Variants in FYN observed in about 807,000 individuals in gnomAD.
FYN encodes the protein FYN proto-oncogene, Src family tyrosine kinase.
A neutral mutation model predicts 70.2 loss-of-function variants in FYN; 10 were observed. That is an observed-to-expected ratio of 0.14 (90% CI 0.09 to 0.24). The LOEUF (loss-of-function observed/expected upper bound fraction) is 0.24. Ranked by LOEUF, FYN falls within the 10% of genes least tolerant of loss-of-function variation. The pLI, the probability that FYN is intolerant of heterozygous loss-of-function variation, is 1.00. For missense variants in FYN, 319 were observed against 673.1 expected (o/e 0.47, Z 5.82); for synonymous variants, 236 against 248.6 (o/e 0.95, Z 0.48).
intron 5 of FYN, among the ~76,000 whole-genome samples, chr6:111,709,895 C>T (rs67515145): frequency 0.13 from 20,060 of 152,158 alleles, 1,472 homozygotes; most frequent in South Asian, 0.33. Flanking sequence ...GTACTGGTCT[C>T]ATTTCTATGC....
At chr6:111,759,935 C>T (rs1802928609) in intron 3 of FYN, 1 of 151,206 alleles carries the variant, frequency 6.6e-6, no homozygotes, top group South Asian at 2.1e-4. Flanking sequence ...CTAGAGATGG[C>T]GTAAAAAGAT....
At chr6:111,755,942 T>A (rs1332115748) in intron 3 of FYN, among the ~76,000 whole-genome samples, 1 of 152,046 alleles carries the variant, frequency 6.6e-6, no homozygotes, top group Non-Finnish European at 1.5e-5. Context: ...AATGAACAAG[T>A]ATCCAACTCA....
chr6:111,782,288 C>T (rs1771204318), intron 2 of FYN, among the ~76,000 whole-genome samples: 1 of 152,180 alleles, frequency 6.6e-6, no homozygotes, highest in East Asian at 1.9e-4. Context: ...AAAACTCCTT[C>T]CACAGTTAAT....
intron 2 of FYN, among the ~76,000 whole-genome samples, chr6:111,840,624 T>C (rs957040588): frequency 2.0e-5 from 3 of 152,214 alleles, no homozygotes; most frequent in Non-Finnish European, 4.4e-5. Context: ...TCTGCTCAAA[T>C]AAAATTTTGT....
chr6:111,848,763 C>G (rs181045454), intron 1 of FYN, among the ~76,000 whole-genome samples: 312 of 152,276 alleles, frequency 2.0e-3, no homozygotes, highest in Non-Finnish European at 3.3e-3. Context: ...CCACGTATAT[C>G]TTTCTTAAGG....
At chr6:111,716,112 G>C (rs1800631386) in intron 4 of FYN, among the ~76,000 whole-genome samples, 1 of 152,234 alleles carries the variant, frequency 6.6e-6, no homozygotes, top group Non-Finnish European at 1.5e-5. Flanking sequence ...CTGTGTACTT[G>C]TCTGGTCAGC....
chr6:111,665,995 CTTTTTTTTT>C (rs991104460), intron 13 of FYN, among the ~76,000 whole-genome samples: 1 of 89,078 alleles, frequency 1.1e-5, no homozygotes, highest in Non-Finnish European at 2.1e-5. Flanking sequence ...CCTTTTTCTC[CTTTTTTTTT>C]TTTTTTTTTT....
rs547206415 is a variant in FYN, at chr6:111,669,349, C to T, written c.1405+5150G>A. On this transcript the variant is annotated intron_variant, in intron 13 of 13. Transcript: ENST00000354650. Reference sequence around the variant, plus strand: ...TCTTGGGAGGCTGAGGCAGGAGAATCGCTTGAACCCAGGAGGCAGAGGTTG... The same window carrying T: ...TCTTGGGAGGCTGAGGCAGGAGAATTGCTTGAACCCAGGAGGCAGAGGTTG... Among the ~76,000 whole-genome samples, 14 of 145,008 alleles carry T rather than the reference C, an allele frequency of 9.7e-5. No individual in the cohort carries two copies. The South Asian group carries it at 2.4e-3, about 25-fold the overall frequency.
intron 2 of FYN, among the ~76,000 whole-genome samples, chr6:111,806,651 A>T (rs766448679): frequency 9.2e-5 from 14 of 152,190 alleles, no homozygotes; most frequent in Non-Finnish European, 1.9e-4. Flanking sequence ...GTCCCGGCCC[A>T]CTATTGAAGG....
chr6:111,788,033 C>A (rs1306005202), intron 2 of FYN, among the ~76,000 whole-genome samples: 1 of 152,174 alleles, frequency 6.6e-6, no homozygotes, highest in Non-Finnish European at 1.5e-5. Flanking sequence ...GGAGCCTTCA[C>A]CTGTCCTATT....
intron 12 of FYN, among the ~76,000 whole-genome samples, chr6:111,685,832 G>C (rs987697759): frequency 6.6e-6 from 1 of 152,298 alleles, no homozygotes; most frequent in Non-Finnish European, 1.5e-5. Flanking sequence ...AGGAGAAAGA[G>C]ATGCTCACAC....
intron 3 of FYN, among the ~76,000 whole-genome samples, chr6:111,755,413 G>A (rs1435213062): frequency 1.3e-5 from 2 of 152,056 alleles, no homozygotes; most frequent in Non-Finnish European, 2.9e-5. Flanking sequence ...GAATTTTAAG[G>A]GCAAAGTGAC....
chr6:111,870,277 G>C (rs931641401), intron 1 of FYN, among the ~76,000 whole-genome samples: 2 of 152,192 alleles, frequency 1.3e-5, no homozygotes, highest in East Asian at 1.9e-4. Flanking sequence ...AACAGGTTAC[G>C]ATGATAAGCT....
At chr6:111,756,819 T>C (rs1489056788) in intron 3 of FYN, among the ~76,000 whole-genome samples, 1 of 152,196 alleles carries the variant, frequency 6.6e-6, no homozygotes, top group Non-Finnish European at 1.5e-5. Context: ...AGAAGGGGAC[T>C]TTCATAATCT....
chr6:111,734,791 G>A (rs2128473984), intron 3 of FYN, among the ~76,000 whole-genome samples: 1 of 152,258 alleles, frequency 6.6e-6, no homozygotes, highest in South Asian at 2.1e-4. Context: ...TTGTTTCTCT[G>A]CACATACCCT....
At chr6:111,851,949 T>C (rs1773698066) in intron 1 of FYN, among the ~76,000 whole-genome samples, 1 of 152,134 alleles carries the variant, frequency 6.6e-6, no homozygotes, top group Non-Finnish European at 1.5e-5. Context: ...TACTGTCCTA[T>C]TTAAAAGTGT....
At position 111,840,986 on chromosome 6, in the gene FYN, C is replaced by T. The variant is rs555866581; in HGVS notation, c.-82+5603G>A. On this transcript the variant is annotated intron_variant, in intron 2 of 13. Transcript: ENST00000354650. ...GGTACAAAGTATGTAGGTGAGAGCT[C>T]GTCTTGTCTCTCCATTGTAACGTGG... 6.6e-5 allele frequency among the ~76,000 whole-genome samples: 10 copies of T among 152,292 alleles called. No homozygotes were observed. The East Asian group carries it at 1.9e-3, about 29-fold the overall frequency.
At chr6:111,845,115 C>T (rs577157940) in intron 2 of FYN, among the ~76,000 whole-genome samples, 9 of 152,282 alleles carry the variant, frequency 5.9e-5, no homozygotes, top group Non-Finnish European at 1.3e-4. Context: ...GGACTTCCCC[C>T]TCCTGTGGCT....
At chr6:111,686,731 A>T (rs930151259) in intron 12 of FYN, among the ~76,000 whole-genome samples, 2 of 152,132 alleles carry the variant, frequency 1.3e-5, no homozygotes, top group Non-Finnish European at 2.9e-5. Flanking sequence ...GCTGTTGTTG[A>T]CAGAGAACAA....
Sources: gnomAD v4.1 joint callset for allele counts (sites outside exome capture counted in the v4.1 genomes callset) on GRCh38, gnomAD v4.1.1 for gene constraint, MANE v1.5 for transcripts, NCBI Gene and HGNC (gene_info 2026-07-23, HGNC 2026-07-21) for gene names.